The following SHANK2 variants were observed in gnomAD, a reference collection of about 807,000 sequenced individuals.
SHANK2 encodes SH3 and multiple ankyrin repeat domains protein 2.
SHANK2 carries 43 observed loss-of-function variants against 133.7 expected under a neutral mutation model. The observed-to-expected ratio is 0.32, with a 90% CI of 0.25 to 0.41. The LOEUF is 0.41. Among genes scored for constraint, SHANK2 ranks in the 10% least tolerant of loss-of-function variants. The pLI is 1.00. For synonymous variants in SHANK2, 1,017 were observed against 952.8 expected (o/e 1.07, Z -1.24); for missense variants, 1,994 against 2,235.8 (o/e 0.89, Z 2.18).
At chr11:70,677,137 C>T (rs542575600) in intron 15 of SHANK2, among the ~76,000 whole-genome samples, 5 of 152,284 alleles carry the variant, frequency 3.3e-5, no homozygotes, top group Admixed American at 6.5e-5. Flanking sequence ...AACTTAGCAA[C>T]GGAGTGGATC....
At chr11:71,241,525 G>A (rs1208409667) in intron 1 of SHANK2, among the ~76,000 whole-genome samples, 1 of 152,108 alleles carries the variant, frequency 6.6e-6, no homozygotes, top group Admixed American at 6.6e-5. Context: ...AGATCATGAG[G>A]CAACCGGAAA....
At chr11:71,234,914 C>T (rs1954806272) in intron 1 of SHANK2, among the ~76,000 whole-genome samples, 1 of 152,058 alleles carries the variant, frequency 6.6e-6, no homozygotes, top group African/African-American at 2.4e-5. Context: ...TTTACAACAG[C>T]CAAAACCCAG....
At chr11:70,750,012 A>G (rs1555037161) in intron 14 of SHANK2, among the ~76,000 whole-genome samples, 1 of 152,240 alleles carries the variant, frequency 6.6e-6, no homozygotes, top group African/African-American at 2.4e-5. Flanking sequence ...TTCTAGTTCC[A>G]GGAAAGATGG....
rs74401801 is a variant in SHANK2 at position 70,524,892 on chromosome 11, A to C, written c.2062-21961T>G. 2.3e-3 allele frequency among the ~76,000 whole-genome samples: 347 copies of C among 152,380 alleles called. 2 individuals carry two copies. Among genetic ancestry groups the C allele is most frequent in the African/African-American group, 8.0e-3 (332 of 41,592 alleles). ...CACACATGGACACATACATGCTCACACGCACACAGGCACGAGGCTTGGCAG... is the reference window on the plus strand; with the variant it reads ...CACACATGGACACATACATGCTCACCCGCACACAGGCACGAGGCTTGGCAG... On this transcript the variant is annotated intron_variant, in intron 17 of 25. Coordinates refer to ENST00000601538, the MANE Select transcript of SHANK2 (RefSeq NM_012309.5).
intron 8 of SHANK2, among the ~76,000 whole-genome samples, chr11:71,092,035 G>A (rs1217618976): frequency 2.0e-5 from 3 of 152,136 alleles, no homozygotes; most frequent in Admixed American, 6.5e-5. Flanking sequence ...GCTCACCTGT[G>A]CTCAGAAAAC....
chr11:70,806,470 A>G (rs1379534172), intron 13 of SHANK2, among the ~76,000 whole-genome samples: 2 of 152,232 alleles, frequency 1.3e-5, no homozygotes, highest in Non-Finnish European at 2.9e-5. Flanking sequence ...TACCCCAGGA[A>G]CAATGTCTAA....
chr11:70,687,765 G>A (rs534571678), intron 15 of SHANK2, among the ~76,000 whole-genome samples: 2 of 152,308 alleles, frequency 1.3e-5, no homozygotes, highest in South Asian at 4.1e-4. Context: ...AGCTCTGGGG[G>A]CCCCTGCCCC....
intron 2 of SHANK2, among the ~76,000 whole-genome samples, chr11:71,186,343 T>C (rs116676240): frequency 4.3e-4 from 66 of 152,310 alleles, no homozygotes; most frequent in African/African-American, 1.6e-3. Flanking sequence ...CATGGACACA[T>C]TGAACAGTTT....
At chr11:71,148,613 A>G (rs1198578977) in intron 2 of SHANK2, among the ~76,000 whole-genome samples, 1 of 152,190 alleles carries the variant, frequency 6.6e-6, no homozygotes, top group African/African-American at 2.4e-5. Context: ...TGCATATGGA[A>G]AGGCATAGAA....
intron 10 of SHANK2, among the ~76,000 whole-genome samples, chr11:70,950,580 G>A (rs782695499): frequency 2.0e-5 from 3 of 151,808 alleles, no homozygotes; most frequent in South Asian, 2.1e-4. Context: ...CCACCTCTTC[G>A]TGCTGCCACA....
chr11:70,668,988 G>A (rs1490753796), intron 15 of SHANK2: 1 of 152,358 alleles, frequency 6.6e-6, no homozygotes, highest in Non-Finnish European at 1.5e-5. Flanking sequence ...TTTCACCCAT[G>A]AGGACTGAAA....
chr11:70,502,722 A>T lies in SHANK2; in HGVS notation c.2197+74T>A, dbSNP rs1273544292. Reference sequence around the variant, plus strand: ...CTGGAGAGAGGGCCCACTGCCCCCCAGCTGTCCTGCCCGCCCCCACCCCCC... The same window carrying T: ...CTGGAGAGAGGGCCCACTGCCCCCCTGCTGTCCTGCCCGCCCCCACCCCCC... On this transcript the variant is annotated intron_variant, in intron 18 of 25. Coordinates refer to ENST00000601538, the MANE Select transcript of SHANK2 (RefSeq NM_012309.5). The T allele has an allele frequency of 8.5e-6, 6 of 705,674 alleles. No homozygotes were observed. The Admixed American group carries it at 1.5e-4, about 18-fold the overall frequency. 43.7% of individuals were successfully genotyped at this position (705,674 alleles called of 1,614,324 possible).
intron 2 of SHANK2, among the ~76,000 whole-genome samples, chr11:71,156,084 C>A (rs1409625298): frequency 6.6e-6 from 1 of 152,152 alleles, no homozygotes; most frequent in Non-Finnish European, 1.5e-5. Flanking sequence ...GCCACGTGCA[C>A]GCCAGGGAGC....
chr11:70,834,753 G>A (rs1297266397), intron 11 of SHANK2, among the ~76,000 whole-genome samples: 1 of 152,198 alleles, frequency 6.6e-6, no homozygotes, highest in African/African-American at 2.4e-5. Flanking sequence ...GTAGGAGTCT[G>A]TGGTGTTTGT....
chr11:70,567,237 G>T (rs782072264), intron 17 of SHANK2, among the ~76,000 whole-genome samples: 4 of 152,204 alleles, frequency 2.6e-5, no homozygotes, highest in Admixed American at 6.5e-5. Flanking sequence ...ACTCAAGGGT[G>T]TGACTCTATA....
intron 2 of SHANK2, among the ~76,000 whole-genome samples, chr11:71,211,104 G>A (rs1342626662): frequency 2.7e-5 from 4 of 150,604 alleles, no homozygotes; most frequent in African/African-American, 9.8e-5. Context: ...AGCTCCCTGA[G>A]ACACCCACAG....
chr11:71,146,627 G>T (rs779331856), intron 3 of SHANK2, among the ~76,000 whole-genome samples: 2 of 152,214 alleles, frequency 1.3e-5, no homozygotes, highest in Non-Finnish European at 2.9e-5. Flanking sequence ...CAGCAGCCAC[G>T]CGGGAAGGAG....
At chr11:70,797,092 A>C (rs952548449) in intron 14 of SHANK2, among the ~76,000 whole-genome samples, 1 of 152,078 alleles carries the variant, frequency 6.6e-6, no homozygotes, top group African/African-American at 2.4e-5. Context: ...AGCCCTCGGG[A>C]GCTGATAAAT....
At chr11:70,843,096 G>T (rs1421123756) in intron 11 of SHANK2, among the ~76,000 whole-genome samples, 3 of 152,224 alleles carry the variant, frequency 2.0e-5, no homozygotes, top group Non-Finnish European at 4.4e-5. Context: ...AGGCTGGGGT[G>T]TGAGCCCAGA....
Sources: allele counts gnomAD v4.1 joint callset (sites outside exome capture counted in the v4.1 genomes callset), GRCh38; gene constraint gnomAD v4.1.1; transcripts MANE v1.5; gene names NCBI Gene and HGNC (gene_info 2026-07-23, HGNC 2026-07-21).